Variants in MECOM observed in about 807,000 individuals in gnomAD.
MECOM encodes the protein MDS1 and EVI1 complex locus, also known as histone-lysine N-methyltransferase MECOM.
In MECOM, 13 loss-of-function variants were observed where a neutral mutation model predicts 116.3. The ratio of observed to expected loss-of-function variants is 0.11; its 90% CI spans 0.07 to 0.18. MECOM has a LOEUF of 0.18. MECOM is among the 10% of genes least tolerant of loss of function. The pLI is 1.00. For synonymous variants in MECOM, 528 were observed against 535.2 expected (o/e 0.99, Z 0.19); for missense variants, 1,299 against 1,509.0 (o/e 0.86, Z 2.31).
rs192009828 is a variant in MECOM, at chr3:169,539,797, A to G, written c.37+123539T>C. Among the ~76,000 whole-genome samples the G allele has an allele frequency of 1.5e-3, 234 of 152,240 alleles. 2 individuals carry two copies. The highest frequency in any genetic ancestry group is 3.7e-4 in the Non-Finnish European group (25 of 68,012). On this transcript the variant is annotated intron_variant, in intron 1 of 16. Coordinates refer to ENST00000651503, the MANE Select transcript of MECOM (RefSeq NM_004991.4). ...CTCAGGGTCCTCATAATAAAGATCCATGTACTTAACAGGGCCTTCAAGATC... is the reference window on the plus strand; with the variant it reads ...CTCAGGGTCCTCATAATAAAGATCCGTGTACTTAACAGGGCCTTCAAGATC...
chr3:169,663,217 C>T (rs1349688187), intron 1 of MECOM, 119 bp downstream of exon 1: 12 of 1,180,408 alleles, frequency 1.0e-5, no homozygotes, highest in Admixed American at 4.2e-5. Context: ...CTCCGCCTGC[C>T]CTCCACCCGG....
chr3:169,474,697 A>C (rs955502926), intron 1 of MECOM, among the ~76,000 whole-genome samples: 2 of 152,164 alleles, frequency 1.3e-5, no homozygotes, highest in African/African-American at 4.8e-5. Context: ...AATCATTTGG[A>C]AGATACAAAA....
chr3:169,355,609 A>G (rs1727141611), intron 2 of MECOM, among the ~76,000 whole-genome samples: 1 of 151,994 alleles, frequency 6.6e-6, no homozygotes, highest in Admixed American at 6.6e-5. Context: ...GGTTTAAAAG[A>G]TAGCATTATT....
intron 2 of MECOM, among the ~76,000 whole-genome samples, chr3:169,280,873 G>T (rs1423233134): frequency 2.6e-5 from 4 of 152,206 alleles, no homozygotes; most frequent in Non-Finnish European, 5.9e-5. Flanking sequence ...CAGATGGCTC[G>T]AATGGAAGCA....
chr3:169,135,264 T>A (rs1399943824), intron 3 of MECOM, among the ~76,000 whole-genome samples: 1 of 152,066 alleles, frequency 6.6e-6, no homozygotes, highest in Admixed American at 6.6e-5. Context: ...CAGGGTTTTA[T>A]GTAAAAAGTT....
chr3:169,119,599 T>A (rs1360254191), intron 7 of MECOM, among the ~76,000 whole-genome samples: 1 of 152,192 alleles, frequency 6.6e-6, no homozygotes, highest in Non-Finnish European at 1.5e-5. Context: ...TCAGAATTCC[T>A]TGTGGTTTAT....
chr3:169,570,366 A>C (rs1012151969), intron 1 of MECOM, among the ~76,000 whole-genome samples: 2 of 152,226 alleles, frequency 1.3e-5, no homozygotes, highest in Non-Finnish European at 2.9e-5. Flanking sequence ...CAATCAAAAA[A>C]AGCCCAGGAC....
intron 1 of MECOM, among the ~76,000 whole-genome samples, chr3:169,531,148 G>T (rs1156655089): frequency 6.6e-6 from 1 of 152,106 alleles, no homozygotes; most frequent in African/African-American, 2.4e-5. Context: ...CTGCAAACCT[G>T]ACAGCTCTTC....
intron 1 of MECOM, among the ~76,000 whole-genome samples, chr3:169,520,469 T>A (rs1168704507): frequency 6.6e-6 from 1 of 152,174 alleles, no homozygotes; most frequent in Non-Finnish European, 1.5e-5. Flanking sequence ...AGCTCCAATG[T>A]CCTCACAAAA....
chr3:169,140,721 T>C (rs1034189664), intron 3 of MECOM, among the ~76,000 whole-genome samples: 7 of 95,338 alleles, frequency 7.3e-5, no homozygotes, highest in Admixed American at 9.8e-5. Flanking sequence ...CTCACAGAAA[T>C]CTACTGGAAA....
intron 2 of MECOM, among the ~76,000 whole-genome samples, chr3:169,193,479 A>T (rs1747990559): frequency 6.6e-6 from 1 of 151,928 alleles, no homozygotes; most frequent in African/African-American, 2.4e-5. Flanking sequence ...TCTAAAGTTA[A>T]AATAAATAAA....
intron 2 of MECOM, among the ~76,000 whole-genome samples, chr3:169,239,907 T>A (rs1350377174): frequency 6.6e-6 from 1 of 152,236 alleles, no homozygotes; most frequent in African/African-American, 2.4e-5. Context: ...GCTTTACTTA[T>A]GCTTTAGTTG....
At chr3:169,636,435 A>G (rs1244374634) in intron 1 of MECOM, among the ~76,000 whole-genome samples, 1 of 152,244 alleles carries the variant, frequency 6.6e-6, no homozygotes, top group Non-Finnish European at 1.5e-5. Flanking sequence ...ATGTAATAGA[A>G]AAAAGAAATA....
intron 2 of MECOM, among the ~76,000 whole-genome samples, chr3:169,351,743 T>G (rs1471784391): frequency 6.6e-6 from 1 of 151,768 alleles, no homozygotes; most frequent in Non-Finnish European, 1.5e-5. Flanking sequence ...AGGTAAAAGC[T>G]TTTGAAGATC....
intron 1 of MECOM, among the ~76,000 whole-genome samples, chr3:169,415,655 A>C (rs1007039077): frequency 1.3e-5 from 2 of 152,146 alleles, no homozygotes; most frequent in Non-Finnish European, 2.9e-5. Context: ...GCAAAGACAC[A>C]CATAGGCTCA....
intron 1 of MECOM, among the ~76,000 whole-genome samples, chr3:169,414,261 C>A (rs1738142818): frequency 6.6e-6 from 1 of 152,182 alleles, no homozygotes; most frequent in African/African-American, 2.4e-5. Context: ...CTGAAGTGAA[C>A]CCCCAGCAAA....
intron 2 of MECOM, among the ~76,000 whole-genome samples, chr3:169,375,900 CCCTGATGAATGTTGATGCGAAAAT>C (rs1222292292): frequency 2.0e-5 from 3 of 152,128 alleles, no homozygotes; most frequent in African/African-American, 7.2e-5. Flanking sequence ...AGGCCAATAT[CCCTGATGAATGTTGATGCGAAAAT>C]CCTCAATAAA....
chr3:169,378,484 AGAG>A (rs1560197368), intron 2 of MECOM, among the ~76,000 whole-genome samples: 24 of 43,366 alleles, frequency 5.5e-4, no homozygotes, highest in African/African-American at 4.2e-3. Context: ...CAAGAAAGAG[AGAG>A]AGAAAGAAAG....
At chr3:169,176,041 G>A (rs1056719155) in intron 2 of MECOM, among the ~76,000 whole-genome samples, 1 of 151,354 alleles carries the variant, frequency 6.6e-6, no homozygotes, top group Non-Finnish European at 1.5e-5. Context: ...GCTTCCCTGG[G>A]CCACACTGGA....
Sources: gnomAD v4.1 joint callset for allele counts (sites outside exome capture counted in the v4.1 genomes callset) on GRCh38, gnomAD v4.1.1 for gene constraint, MANE v1.5 for transcripts, NCBI Gene and HGNC (gene_info 2026-07-23, HGNC 2026-07-21) for gene names.